PBX4: variants seen among roughly 807,000 people sequenced by gnomAD.
The protein encoded by PBX4 is pre-B-cell leukemia transcription factor 4.
PBX4 carries 26 observed loss-of-function variants against 35.1 expected under a neutral mutation model. The observed-to-expected ratio is 0.74, with a 90% confidence interval of 0.54 to 1.03. The LOEUF (loss-of-function observed/expected upper bound fraction) is 1.03, where lower values mean the gene tolerates loss of function less well. Ranked by LOEUF, PBX4 falls within the 50% of genes least tolerant of loss-of-function variation. The pLI is 0.00. For missense variants in PBX4, 448 were observed against 504.3 expected, an observed-to-expected ratio of 0.89 and a Z score of 1.07; for synonymous variants, 199 against 204.2, an observed-to-expected ratio of 0.97 and a Z score of 0.22.
At chr19:19,585,705 T>A (rs1463601845) in intron 2 of PBX4, among the ~76,000 whole-genome samples, 3 of 152,220 alleles carry the variant, frequency 2.0e-5, no homozygotes, top group Non-Finnish European at 4.4e-5. Context: ...CCCTAACTGA[T>A]CAATGTACTT....
chr19:19,578,179 C>T (rs1282145614), intron 2 of PBX4, among the ~76,000 whole-genome samples: 3 of 145,022 alleles, frequency 2.1e-5, no homozygotes, highest in African/African-American at 7.8e-5. Context: ...AACAGCAAGA[C>T]TCCATCTCAA....
chr19:19,572,062 G>T (rs1223101328), intron 2 of PBX4, among the ~76,000 whole-genome samples: 10 of 118,670 alleles, frequency 8.4e-5, no homozygotes, highest in East Asian at 5.6e-4. Context: ...TGTTCTCTTA[G>T]AATCAGGCTT....
chr19:19,566,418 G>A (rs1240142794), intron 5 of PBX4, among the ~76,000 whole-genome samples: 1 of 152,256 alleles, frequency 6.6e-6, no homozygotes, highest in African/African-American at 2.4e-5. Flanking sequence ...CAGGCATGGA[G>A]ACGTCCATCC....
chr19:19,592,491 G>T (rs979464377), intron 2 of PBX4, among the ~76,000 whole-genome samples: 5 of 152,152 alleles, frequency 3.3e-5, no homozygotes, highest in African/African-American at 1.2e-4. Flanking sequence ...AGCTTTGAGG[G>T]ACCTGCCTGC....
chr19:19,572,591 G>A (rs1255533580), intron 2 of PBX4, among the ~76,000 whole-genome samples: 2 of 152,014 alleles, frequency 1.3e-5, no homozygotes, highest in African/African-American at 4.8e-5. Context: ...CAGGCTGGGC[G>A]CAGTGGCTCA....
chr19:19,586,184 C>T (rs766309509), intron 2 of PBX4, among the ~76,000 whole-genome samples: 36 of 151,926 alleles, frequency 2.4e-4, no homozygotes, highest in Non-Finnish European at 4.4e-4. Flanking sequence ...GGGGCTGAGA[C>T]GGGAGGATCA....
chr19:19,565,007 C>G lies in PBX4; in HGVS notation c.851G>C (p.Gly284Ala). The change falls in exon 6 of 8, where the codon GGT (glycine) becomes GCT (alanine). Residue 284 changes from glycine (G) to alanine (A), a missense_variant. Coordinates refer to ENST00000251203, the MANE Select transcript of PBX4 (RefSeq NM_025245.3). ...TTCCGTGGTATCCACAGCCGTTTTA[C>G]CCGTGTAAATGGTAGCCTCTTCTTG... Reference protein sequence around the residue: ...KFQEEATIYTGKTAVDTTEVG... With the variant: ...KFQEEATIYTAKTAVDTTEVG... 1 of 1,614,196 alleles carries G rather than the reference C, an allele frequency of 6.2e-7. No individual in the cohort carries two copies. The highest frequency in any genetic ancestry group is 8.5e-7 in the Non-Finnish European group (1 of 1,180,044).
intron 2 of PBX4, among the ~76,000 whole-genome samples, chr19:19,575,272 AGT>A (rs1422129939): frequency 7.9e-6 from 1 of 127,028 alleles, no homozygotes; most frequent in Non-Finnish European, 1.7e-5. Flanking sequence ...TGTCTGTTTT[AGT>A]TCCTCCCACT....
intron 1 of PBX4, among the ~76,000 whole-genome samples, chr19:19,605,447 A>AATG (rs2061624788): frequency 2.0e-5 from 2 of 101,272 alleles, no homozygotes; most frequent in Non-Finnish European, 5.2e-5. Flanking sequence ...TAATAATAAT[A>AATG]ACAATAATAA....
At chr19:19,573,121 C>T (rs190830705) in intron 2 of PBX4, among the ~76,000 whole-genome samples, 4 of 151,922 alleles carry the variant, frequency 2.6e-5, no homozygotes, top group Admixed American at 2.6e-4. Flanking sequence ...GCCTGACTAA[C>T]ACAGAGAAAC....
rs879847754 is a variant in PBX4 at position 19,615,630 on chromosome 19, G to A, written c.119+2881C>T. Reference sequence around the variant, plus strand: ...GAACAGGCCAGGCACAGTAGTTCACGCCTGTAATCCCAGCACTTTGGGAGG... The same window carrying A: ...GAACAGGCCAGGCACAGTAGTTCACACCTGTAATCCCAGCACTTTGGGAGG... On this transcript the variant is annotated intron_variant, in intron 1 of 7. Transcript: ENST00000251203. Among the ~76,000 whole-genome samples, 8 of 152,232 alleles carry A rather than the reference G, an allele frequency of 5.3e-5. No homozygotes were observed. The Middle Eastern group carries it at 0.01, about 194-fold the overall frequency.
intron 1 of PBX4, among the ~76,000 whole-genome samples, chr19:19,603,992 A>G (rs1489034988): frequency 1.5e-4 from 22 of 151,582 alleles, no homozygotes; most frequent in Admixed American, 1.4e-3. Context: ...TGGTATGTGC[A>G]TGTAGCAGAA....
Position 19,570,288 on chromosome 19 carries a change from C to T in PBX4, c.453G>A (p.Glu151=). 6.2e-7 allele frequency: 1 copy of T among 1,606,280 alleles called. No homozygotes were observed. The highest frequency in any genetic ancestry group is 8.5e-7 in the Non-Finnish European group (1 of 1,174,972). The change falls in exon 4 of 8, where the codon GAG becomes GAA. Residue 151 remains glutamate, a synonymous_variant. Coordinates refer to ENST00000251203, the MANE Select transcript of PBX4 (RefSeq NM_025245.3). ...ELEKYEQACR[E]FTTHVTNLLQ... ...GGAGGTTGGTGACGTGCGTGGTGAA[C>T]TCACGACAGGCCTGGGGTGGGAGCA...
chr19:19,586,858 G>C (rs771988309), intron 2 of PBX4, among the ~76,000 whole-genome samples: 6 of 151,848 alleles, frequency 4.0e-5, no homozygotes, highest in Non-Finnish European at 8.8e-5. Flanking sequence ...TTGAACCCAG[G>C]AGGTGAAGGT....
rs373505431 is a variant in PBX4 at position 19,570,359 on chromosome 19, C to A, written c.442-60G>T. The A allele has an allele frequency of 3.4e-4, 522 of 1,533,976 alleles. 7 individuals are homozygous for A. The South Asian group carries it at 6.0e-3, about 18-fold the overall frequency. The stretch of plus-strand genomic sequence containing the variant: ...TAGGCAGCAGGGTGGCACAGGGCAG[C>A]AGGTTCCACAGCGGAGCAGCCGCCT... On this transcript the variant is annotated intron_variant, in intron 3 of 7. Transcript: ENST00000251203.
In PBX4 at chr19:19,599,433, A is replaced by T. The variant is rs1380093486; in HGVS notation, c.120-68T>A. 2.2e-6 allele frequency: 3 copies of T among 1,381,714 alleles called. No homozygotes were observed. The African/African-American group carries it at 4.3e-5, about 20-fold the overall frequency. The allele number at this position is 1,381,714 out of a possible 1,614,324, so 85.6% of individuals were successfully genotyped here. Reference sequence around the variant, plus strand: ...CATCATCTTGTCCCCAAGAGTAAAGATCTTCCATACTGAGAAATCAAACCA... The same window carrying T: ...CATCATCTTGTCCCCAAGAGTAAAGTTCTTCCATACTGAGAAATCAAACCA... On this transcript the variant is annotated intron_variant, in intron 1 of 7. Coordinates refer to ENST00000251203, the MANE Select transcript of PBX4 (RefSeq NM_025245.3).
chr19:19,584,953 T>C (rs1172814997), intron 2 of PBX4, among the ~76,000 whole-genome samples: 2 of 152,104 alleles, frequency 1.3e-5, no homozygotes, highest in Non-Finnish European at 2.9e-5. Context: ...TTCCTGGGCA[T>C]CATGGGCACT....
At position 19,562,129 on chromosome 19, in the gene PBX4, G is replaced by A. The variant is rs1252612840; in HGVS notation, c.1033-12C>T. On this transcript the variant is annotated splice_polypyrimidine_tract_variant and intron_variant, in intron 7 of 7. Coordinates refer to ENST00000251203, the MANE Select transcript of PBX4 (RefSeq NM_025245.3). The surrounding 1 kb of genome is among the most constrained non-coding windows in gnomAD (Gnocchi z 4.8). The stretch of plus-strand genomic sequence containing the variant: ...CAGCTACCCTGGGCCTGAAACGACA[G>A]AGACTGAGCATCAGAGTGGGTGGCC... 3 of 1,602,248 alleles carry A rather than the reference G, an allele frequency of 1.9e-6. No homozygotes were observed. The highest frequency in any genetic ancestry group is 2.6e-6 in the Non-Finnish European group (3 of 1,173,642).
chr19:19,568,839 G>A (rs528900993), intron 5 of PBX4, among the ~76,000 whole-genome samples: 5 of 149,784 alleles, frequency 3.3e-5, no homozygotes, highest in East Asian at 2.0e-4. Context: ...CTCACACTCC[G>A]TCTGTGTCCC....
Sources: allele counts gnomAD v4.1 joint callset (sites outside exome capture counted in the v4.1 genomes callset), GRCh38; gene constraint gnomAD v4.1.1; non-coding constraint Gnocchi (gnomAD v3.1); transcripts MANE v1.5; gene names NCBI Gene and HGNC (gene_info 2026-07-23, HGNC 2026-07-21).